TBC1D19: variants seen among roughly 807,000 people sequenced by gnomAD.
TBC1D19 encodes the protein TBC1 domain family member 19, also known as TBC1 domain family, member 19.
Under a neutral mutation model 89.0 loss-of-function variants are expected in TBC1D19, and 60 were observed. The observed-to-expected ratio is 0.67, with a 90% confidence interval of 0.55 to 0.84. The LOEUF (loss-of-function observed/expected upper bound fraction) is 0.84, where lower values mean the gene tolerates loss of function less well. Ranked by LOEUF, TBC1D19 falls within the 40% of genes least tolerant of loss-of-function variation. The pLI is 0.00. For synonymous variants in TBC1D19, 189 were observed against 199.7 expected (o/e 0.95, Z 0.45); for missense variants, 500 against 610.8 (o/e 0.82, Z 1.91).
chr4:26,651,397 A>T (rs1038154266), intron 7 of TBC1D19, among the ~76,000 whole-genome samples: 3 of 152,156 alleles, frequency 2.0e-5, no homozygotes, highest in African/African-American at 4.8e-5. Flanking sequence ...TTCATTGAGC[A>T]GTGGTTTGTA....
chr4:26,839,393 G>A, the TBC1D19 span, among the ~76,000 whole-genome samples: 6 of 152,076 alleles, frequency 3.9e-5, no homozygotes, highest in Non-Finnish European at 2.9e-5. Flanking sequence ...CATAGTAAAA[G>A]CCTAGTTAAT....
At chr4:26,629,310 A>G (rs1441956667) in intron 4 of TBC1D19, among the ~76,000 whole-genome samples, 1 of 151,990 alleles carries the variant, frequency 6.6e-6, no homozygotes, top group Admixed American at 6.6e-5. Context: ...GATCTCAGAT[A>G]CTCAGGTACT....
At chr4:26,835,064 A>G in the TBC1D19 span, among the ~76,000 whole-genome samples, 1 of 152,194 alleles carries the variant, frequency 6.6e-6, no homozygotes, top group Non-Finnish European at 1.5e-5. Flanking sequence ...ATGTTGTCTT[A>G]TGTGGCAAAA....
At chr4:26,810,234 C>G in the TBC1D19 span, among the ~76,000 whole-genome samples, 1 of 152,210 alleles carries the variant, frequency 6.6e-6, no homozygotes. Context: ...CCTTCTTTTT[C>G]CTGACCCATT....
Position 26,742,623 on chromosome 4 carries a change from GAAGAATAGATAGT to G in TBC1D19, c.1319+25_1319+37del, listed in dbSNP as rs768502493. The stretch of plus-strand genomic sequence containing the variant: ...CCGTGAGTACTTTTCTCTCCTAATT[GAAGAATAGATAGT>G]TTCACAGAAAGCTCTTTTTTCCTCA... On this transcript the variant is annotated intron_variant, in intron 18 of 20. Coordinates refer to ENST00000264866, the MANE Select transcript of TBC1D19 (RefSeq NM_018317.4). 7 of 1,585,798 alleles carry G rather than the reference GAAGAATAGATAGT, an allele frequency of 4.4e-6. No homozygotes were observed. The Admixed American group carries it at 1.2e-4, about 27-fold the overall frequency.
chr4:26,759,280 T>C (rs1011891412), downstream of TBC1D19, among the ~76,000 whole-genome samples: 1 of 152,216 alleles, frequency 6.6e-6, no homozygotes, highest in African/African-American at 2.4e-5. Context: ...TAGACTTTAG[T>C]AAATATTTAT....
At chr4:26,820,970 G>A in the TBC1D19 span, among the ~76,000 whole-genome samples, 1 of 152,206 alleles carries the variant, frequency 6.6e-6, no homozygotes, top group Non-Finnish European at 1.5e-5. Context: ...AAAAATATCT[G>A]TTGACTGGCT....
chr4:26,838,837 G>T, the TBC1D19 span, among the ~76,000 whole-genome samples: 4 of 152,230 alleles, frequency 2.6e-5, no homozygotes, highest in African/African-American at 9.6e-5. Flanking sequence ...CCACTTTTGG[G>T]ATAGGGAATA....
the TBC1D19 span, among the ~76,000 whole-genome samples, chr4:26,832,827 C>G: frequency 1.3e-5 from 2 of 152,044 alleles, no homozygotes. Context: ...AACCCCATCT[C>G]TACTAAAAAT....
chr4:26,615,455 CT>C (rs35104373), intron 3 of TBC1D19, among the ~76,000 whole-genome samples: 170 of 145,548 alleles, frequency 1.2e-3, no homozygotes, highest in African/African-American at 2.5e-3. Context: ...TGCACGTCTG[CT>C]TTTTTTTTTT....
chr4:26,804,789 G>A, the TBC1D19 span, among the ~76,000 whole-genome samples: 2 of 152,216 alleles, frequency 1.3e-5, no homozygotes, highest in Non-Finnish European at 2.9e-5. Context: ...AACGGGAAGC[G>A]GCAGACACAG....
chr4:26,781,691 A>G, the TBC1D19 span, among the ~76,000 whole-genome samples: 2 of 152,374 alleles, frequency 1.3e-5, no homozygotes, highest in South Asian at 4.1e-4. Context: ...ACATCCAAAT[A>G]GTTTCAAAGA....
At chr4:26,598,863 T>C (rs2109975404) in intron 1 of TBC1D19, among the ~76,000 whole-genome samples, 1 of 151,390 alleles carries the variant, frequency 6.6e-6, no homozygotes, top group East Asian at 1.9e-4. Flanking sequence ...CTTGAAGTAA[T>C]AGAAAGTTGG....
At chr4:26,720,746 G>A (rs531823502) in intron 15 of TBC1D19, among the ~76,000 whole-genome samples, 22 of 152,120 alleles carry the variant, frequency 1.4e-4, no homozygotes, top group Non-Finnish European at 1.9e-4. Context: ...TAAGAACATG[G>A]GTTTTGTAAT....
the TBC1D19 span, among the ~76,000 whole-genome samples, chr4:26,777,801 C>T: frequency 2.0e-5 from 3 of 152,092 alleles, no homozygotes; most frequent in African/African-American, 7.2e-5. Context: ...GATTTTTTGT[C>T]TGGACATGGT....
chr4:26,591,806 A>C (rs1739829602), intron 1 of TBC1D19, among the ~76,000 whole-genome samples: 1 of 152,244 alleles, frequency 6.6e-6, no homozygotes, highest in South Asian at 2.1e-4. Flanking sequence ...TGAATCTCTG[A>C]ATAGGCCAAT....
rs1743402370 is a variant in TBC1D19, at chr4:26,640,171, C to G, written c.464C>G (p.Pro155Arg). The G allele has an allele frequency of 6.2e-7, 1 of 1,608,398 alleles. No individual in the cohort carries two copies. The highest frequency in any genetic ancestry group is 2.2e-5 in the East Asian group (1 of 44,646). ...AGCCTTTTCAGACCTGTTTATGCAC[C>G]TAAGGATTTTCTTGAGGTAGGTTCT... ...DLSLFRPVYA[P>R]KDFLEVLINL... is the part of the protein sequence containing the mutation. The change falls in exon 7 of 21, where the codon CCT becomes CGT. Residue 155 changes from proline to arginine, a missense_variant. Coordinates refer to ENST00000264866, the MANE Select transcript of TBC1D19 (RefSeq NM_018317.4).
At chr4:26,787,949 C>T in the TBC1D19 span, among the ~76,000 whole-genome samples, 2 of 152,298 alleles carry the variant, frequency 1.3e-5, no homozygotes, top group East Asian at 3.9e-4. Flanking sequence ...AGACTGCTGC[C>T]TACAGAAACT....
chr4:26,815,531 T>G, the TBC1D19 span, among the ~76,000 whole-genome samples: 1 of 152,228 alleles, frequency 6.6e-6, no homozygotes, highest in Non-Finnish European at 1.5e-5. Flanking sequence ...TAACTGATAC[T>G]CTTGACCTCC....
Sources: gnomAD v4.1 joint callset for allele counts (sites outside exome capture counted in the v4.1 genomes callset) on GRCh38, gnomAD v4.1.1 for gene constraint, MANE v1.5 for transcripts, NCBI Gene and HGNC (gene_info 2026-07-23, HGNC 2026-07-21) for gene names.